Variants in LMO7 observed in about 807,000 individuals in gnomAD.
LMO7 encodes LIM domain 7, also known as LIM domain only protein 7.
In LMO7, 120 loss-of-function variants were observed where a neutral mutation model predicts 206.5. The ratio of observed to expected loss-of-function variants is 0.58; its 90% confidence interval spans 0.50 to 0.68. The LOEUF (loss-of-function observed/expected upper bound fraction) is 0.68. Ranked by LOEUF, LMO7 falls within the 30% of genes least tolerant of loss-of-function variation. LMO7 has a pLI of 0.00. For missense variants in LMO7, 1,959 were observed against 1,957.9 expected (o/e 1.00, Z -0.01); for synonymous variants, 706 against 681.5 (o/e 1.04, Z -0.56).
chr13:75,782,742 T>C (rs2140358156), intron 4 of LMO7, among the ~76,000 whole-genome samples: 1 of 152,290 alleles, frequency 6.6e-6, no homozygotes. Context: ...ATTCCTTGGC[T>C]CCTGGCTGCA....
intron 1 of LMO7, among the ~76,000 whole-genome samples, chr13:75,708,098 T>C (rs2042794874): frequency 6.6e-6 from 1 of 152,180 alleles, no homozygotes; most frequent in Non-Finnish European, 1.5e-5. Flanking sequence ...TCAGGGTTGA[T>C]GCATATAAGG....
At chr13:75,782,730 G>T (rs976886699) in intron 4 of LMO7, among the ~76,000 whole-genome samples, 1 of 152,168 alleles carries the variant, frequency 6.6e-6, no homozygotes. Flanking sequence ...GGATAGCCAA[G>T]CATTCCTTGG....
At position 75,642,320 on chromosome 13, in the gene LMO7, GTCAGCCAGACATGGTGGCTCA is replaced by G. The variant is rs2036615625; in HGVS notation, c.69+5596_69+5616del. On this transcript the variant is annotated intron_variant, in intron 1 of 30. Coordinates refer to ENST00000377534, the MANE Select transcript of LMO7 (RefSeq NM_001306080.2). ...ACTTGTACCTTTAGTAAAACAGGGTGTCAGCCAGACATGGTGGCTCATGCCTGTAATCCCAGCACTTTGGGA... is the reference window on the plus strand; with the variant it reads ...ACTTGTACCTTTAGTAAAACAGGGTGTGCCTGTAATCCCAGCACTTTGGGA... Among the ~76,000 whole-genome samples the G allele has an allele frequency of 4.6e-5, 7 of 151,786 alleles. No homozygotes were observed. In the South Asian group the frequency reaches 1.5e-3, roughly 32 times the overall value.
intron 1 of LMO7, chr13:75,688,694 C>A (rs994408322): frequency 6.6e-6 from 1 of 152,294 alleles, no homozygotes; most frequent in African/African-American, 2.4e-5. Flanking sequence ...GCAGCTTTGA[C>A]ATTTTTGACA....
rs2049617300 is a variant in LMO7, at chr13:75,771,239, A to T, written c.317+10201A>T. Among the ~76,000 whole-genome samples, 2 of 152,080 alleles carry T rather than the reference A, an allele frequency of 1.3e-5. 1 individual carries two copies. The highest frequency in any genetic ancestry group is 1.3e-4 in the Admixed American group (2 of 15,248). On this transcript the variant is annotated intron_variant, in intron 4 of 30. Transcript: ENST00000377534. ...GATTTTTTTAAGATCTCCTAATTTT[A>T]GGAATGTTAAATAAGAACATATGTA...
In LMO7 at chr13:75,805,671, T is replaced by G; in HGVS notation, c.1107T>G (p.Leu369=). ...PNPGNAFDQF[L]PKCWTPEDVN... ...CAGGGAATGCTTTTGATCAGTTTCT[T>G]CCCAAATGTTGGACCCCAGAAGATG... Residue 369 remains leucine (L), a synonymous_variant, in exon 9 of 31, where the codon CTT becomes CTG. Transcript: ENST00000377534. 1 of 1,614,000 alleles carries G rather than the reference T, an allele frequency of 6.2e-7. No homozygotes were observed. The highest frequency in any genetic ancestry group is 8.5e-7 in the Non-Finnish European group (1 of 1,179,868).
At chr13:75,770,439 G>C (rs1457316932) in intron 4 of LMO7, among the ~76,000 whole-genome samples, 3 of 151,988 alleles carry the variant, frequency 2.0e-5, no homozygotes, top group Admixed American at 2.0e-4. Flanking sequence ...AGCATCCACT[G>C]AATATTTCAT....
chr13:75,674,090 C>T (rs912299092), intron 1 of LMO7, among the ~76,000 whole-genome samples: 3 of 152,188 alleles, frequency 2.0e-5, no homozygotes, highest in Non-Finnish European at 4.4e-5. Context: ...ATTATCAAGT[C>T]ACAATTTCAT....
At chr13:75,798,986 C>A (rs187294613) in intron 6 of LMO7, among the ~76,000 whole-genome samples, 7 of 152,210 alleles carry the variant, frequency 4.6e-5, no homozygotes, top group Non-Finnish European at 1.0e-4. Context: ...TTAAAAAAAT[C>A]TTTCTGTATT....
chr13:75,775,683 C>G (rs2140149814), intron 4 of LMO7, among the ~76,000 whole-genome samples: 1 of 152,016 alleles, frequency 6.6e-6, no homozygotes, highest in African/African-American at 2.4e-5. Flanking sequence ...ATGTAAGTGG[C>G]TAACAAACAC....
intron 3 of LMO7, among the ~76,000 whole-genome samples, chr13:75,743,611 A>G (rs2046596957): frequency 6.6e-6 from 1 of 152,246 alleles, no homozygotes; most frequent in African/African-American, 2.4e-5. Context: ...AGAAAACCAA[A>G]TACCATATGT....
chr13:75,695,839 T>G (rs1233330491), intron 1 of LMO7, among the ~76,000 whole-genome samples: 2 of 152,266 alleles, frequency 1.3e-5, no homozygotes, highest in East Asian at 3.8e-4. Flanking sequence ...TGGTGTTATA[T>G]AAAAATCTTC....
chr13:75,730,890 AGT>A, intron 3 of LMO7, among the ~76,000 whole-genome samples: 1 of 145,102 alleles, frequency 6.9e-6, no homozygotes, highest in East Asian at 2.0e-4. Context: ...TTATGTACCC[AGT>A]AGTCATTCAG....
intron 10 of LMO7, among the ~76,000 whole-genome samples, chr13:75,808,425 CTG>C (rs2055844828): frequency 6.6e-6 from 1 of 152,190 alleles, no homozygotes; most frequent in Admixed American, 6.5e-5. Flanking sequence ...CTGTTTAAGA[CTG>C]TATATACATA....
intron 3 of LMO7, among the ~76,000 whole-genome samples, chr13:75,743,432 A>G: frequency 6.6e-6 from 1 of 152,202 alleles, no homozygotes; most frequent in South Asian, 2.1e-4. Flanking sequence ...CACAATAGCA[A>G]AGACATGGAA....
intron 3 of LMO7, among the ~76,000 whole-genome samples, chr13:75,733,126 G>T (rs575417178): frequency 2.6e-5 from 4 of 152,186 alleles, no homozygotes; most frequent in African/African-American, 4.8e-5. Flanking sequence ...CTCCAGCTGC[G>T]TGCTGGGAGA....
intron 7 of LMO7, 108 bp downstream of exon 7, chr13:75,800,990 A>G: frequency 1.0e-6 from 1 of 989,006 alleles, no homozygotes; most frequent in Non-Finnish European, 1.6e-6. Context: ...TTTCACTTAG[A>G]AGTGGATTTT....
chr13:75,621,845 G>A (rs2033334072), exon 1 of LMO7: 9 of 1,600,344 alleles, frequency 5.6e-6, no homozygotes, highest in Non-Finnish European at 7.7e-6. Flanking sequence ...CTGTATCTCA[G>A]GGACAGAGTC....
At chr13:75,659,339 G>C (rs2038354529) in intron 1 of LMO7, among the ~76,000 whole-genome samples, 1 of 152,136 alleles carries the variant, frequency 6.6e-6, no homozygotes. Flanking sequence ...GAAATACAGT[G>C]GCAGATGTTA....
Sources: allele counts gnomAD v4.1 joint callset (sites outside exome capture counted in the v4.1 genomes callset), GRCh38; gene constraint gnomAD v4.1.1; transcripts MANE v1.5; gene names NCBI Gene and HGNC (gene_info 2026-07-23, HGNC 2026-07-21).